EGFLAM: variants seen among roughly 807,000 people sequenced by gnomAD.
EGFLAM encodes the protein pikachurin.
In EGFLAM, 79 loss-of-function variants were observed where a neutral mutation model predicts 113.1. The ratio of observed to expected loss-of-function variants is 0.70; its 90% CI spans 0.58 to 0.84. The LOEUF is 0.84. Among genes scored for constraint, EGFLAM ranks in the 40% least tolerant of loss-of-function variants. The pLI is 0.00. For synonymous variants in EGFLAM, 504 were observed against 487.6 expected (o/e 1.03, Z -0.44); for missense variants, 1,265 against 1,291.6 (o/e 0.98, Z 0.32).
chr5:38,379,425 A>G (rs750307010), intron 6 of EGFLAM, among the ~76,000 whole-genome samples: 1 of 151,822 alleles, frequency 6.6e-6, no homozygotes, highest in Non-Finnish European at 1.5e-5. Context: ...TCCAAAGAAT[A>G]GGTGACAGAT....
chr5:38,415,164 C>G (rs1741601732), intron 11 of EGFLAM, among the ~76,000 whole-genome samples: 1 of 149,254 alleles, frequency 6.7e-6, no homozygotes, highest in African/African-American at 2.5e-5. Flanking sequence ...GAGTTCGAGA[C>G]CAGCCTGGCC....
intron 17 of EGFLAM, 73 bp downstream of exon 17, chr5:38,438,528 A>G (rs540888442): frequency 2.9e-6 from 4 of 1,396,450 alleles, no homozygotes; most frequent in East Asian, 2.5e-5. Context: ...GGGGACCACA[A>G]CTCTTAATGG....
At chr5:38,358,647 T>C (rs1739832225) in intron 5 of EGFLAM, among the ~76,000 whole-genome samples, 1 of 152,078 alleles carries the variant, frequency 6.6e-6, no homozygotes, top group Non-Finnish European at 1.5e-5. Flanking sequence ...ACACCTCTAG[T>C]GTGAGCACTC....
chr5:38,270,043 C>T (rs1370709949), intron 1 of EGFLAM, among the ~76,000 whole-genome samples: 1 of 152,186 alleles, frequency 6.6e-6, no homozygotes, highest in Non-Finnish European at 1.5e-5. Flanking sequence ...GTCAAGAAGA[C>T]ACGCTCTTCA....
chr5:38,278,183 A>G (rs1757930654), intron 1 of EGFLAM, among the ~76,000 whole-genome samples: 2 of 152,208 alleles, frequency 1.3e-5, no homozygotes, highest in South Asian at 4.1e-4. Flanking sequence ...GTAGTAGCAT[A>G]AAAACAGACA....
At chr5:38,445,711 A>G in intron 17 of EGFLAM, 1 of 1,598,334 alleles carries the variant, frequency 6.3e-7, no homozygotes, top group Non-Finnish European at 8.5e-7. Flanking sequence ...TAGTAAGTAC[A>G]GTAAGTCCTG....
intron 3 of EGFLAM, among the ~76,000 whole-genome samples, chr5:38,341,572 A>G (rs1257665629): frequency 1.3e-5 from 2 of 152,240 alleles, no homozygotes; most frequent in African/African-American, 4.8e-5. Flanking sequence ...TTGTTTGGAT[A>G]TAACTACTTA....
chr5:38,420,542 A>T (rs1447244008), intron 12 of EGFLAM, among the ~76,000 whole-genome samples: 1 of 152,194 alleles, frequency 6.6e-6, no homozygotes, highest in Admixed American at 6.5e-5. Flanking sequence ...GCCTCATAAG[A>T]TTATTTTGTT....
intron 14 of EGFLAM, among the ~76,000 whole-genome samples, chr5:38,427,628 T>C (rs1742059977): frequency 1.3e-5 from 2 of 152,340 alleles, no homozygotes; most frequent in South Asian, 4.1e-4. Flanking sequence ...CATCACATGA[T>C]GGGCACCCAG....
At chr5:38,405,190 A>G (rs1388580336) in intron 6 of EGFLAM, among the ~76,000 whole-genome samples, 1 of 152,124 alleles carries the variant, frequency 6.6e-6, no homozygotes, top group African/African-American at 2.4e-5. Context: ...ATATATGTAT[A>G]TATACAACAT....
chr5:38,461,711 C>T (rs1044243116), intron 20 of EGFLAM, among the ~76,000 whole-genome samples: 21 of 152,016 alleles, frequency 1.4e-4, no homozygotes, highest in Admixed American at 1.3e-3. Context: ...TGAGTCCACC[C>T]CCTAGTGCTA....
At chr5:38,303,316 A>T (rs925752101) in intron 1 of EGFLAM, among the ~76,000 whole-genome samples, 3 of 152,238 alleles carry the variant, frequency 2.0e-5, no homozygotes, top group Admixed American at 2.0e-4. Flanking sequence ...GAAATATAAG[A>T]TGAAGACAAT....
At chr5:38,276,902 G>T (rs953224900) in intron 1 of EGFLAM, among the ~76,000 whole-genome samples, 12 of 152,106 alleles carry the variant, frequency 7.9e-5, no homozygotes, top group Admixed American at 2.6e-4. Context: ...AATGAGTAAG[G>T]AGATTGAGTC....
intron 3 of EGFLAM, among the ~76,000 whole-genome samples, chr5:38,349,773 G>GCGCGCA (rs1554049180): frequency 7.4e-4 from 97 of 131,040 alleles, no homozygotes; most frequent in South Asian, 2.3e-3. Flanking sequence ...AAGTACACAC[G>GCGCGCA]CACACACACA....
intron 1 of EGFLAM, among the ~76,000 whole-genome samples, chr5:38,264,817 G>C (rs1757592855): frequency 6.6e-6 from 1 of 152,180 alleles, no homozygotes; most frequent in Non-Finnish European, 1.5e-5. Flanking sequence ...GAAGCTAGGT[G>C]CTAGGGACCT....
chr5:38,431,392 G>A (rs1742183615), intron 15 of EGFLAM, 104 bp downstream of exon 15: 1 of 1,102,124 alleles, frequency 9.1e-7, no homozygotes, highest in Non-Finnish European at 1.3e-6. Context: ...TAACTACATG[G>A]ACTTCAGTGC....
At position 38,431,388 on chromosome 5, in the gene EGFLAM, C is replaced by T. The variant is rs1255269199; in HGVS notation, c.2166+100C>T. On this transcript the variant is annotated intron_variant, in intron 15 of 21. Transcript: ENST00000322350. ...AGCAGCAGAGTGTTCTGGTTAACTA[C>T]ATGGACTTCAGTGCCTGTGTGGAAA... 5 of 1,177,882 alleles carry T rather than the reference C, an allele frequency of 4.2e-6. No homozygotes were observed. In the East Asian group the frequency reaches 1.3e-4, roughly 30 times the overall value. The allele number at this position is 1,177,882 out of a possible 1,614,324, so 73.0% of individuals were successfully genotyped here.
intron 1 of EGFLAM, among the ~76,000 whole-genome samples, chr5:38,324,043 CAAAAAAAAAA>C (rs34351121): frequency 1.1e-5 from 1 of 92,296 alleles, no homozygotes; most frequent in African/African-American, 4.1e-5. Context: ...CCATCTCAAA[CAAAAAAAAAA>C]AAAAAAAAAA....
intron 10 of EGFLAM, among the ~76,000 whole-genome samples, chr5:38,410,904 A>T (rs1741457032): frequency 6.6e-6 from 1 of 152,204 alleles, no homozygotes; most frequent in South Asian, 2.1e-4. Flanking sequence ...GAAAGTCCCC[A>T]GAGAAATCCC....
Sources: gnomAD v4.1 joint callset for allele counts (sites outside exome capture counted in the v4.1 genomes callset) on GRCh38, gnomAD v4.1.1 for gene constraint, MANE v1.5 for transcripts, NCBI Gene and HGNC (gene_info 2026-07-23, HGNC 2026-07-21) for gene names.